The following PSG9 variants were observed in gnomAD, a reference collection of about 807,000 sequenced individuals.
PSG9 encodes the protein pregnancy-specific beta-1-glycoprotein 9.
PSG9 carries 49 observed loss-of-function variants against 41.9 expected under a neutral mutation model. The ratio of observed to expected loss-of-function variants is 1.17; its 90% CI spans 0.93 to 1.48. The LOEUF is 1.48. Among genes scored for constraint, PSG9 ranks in the 40% most tolerant of loss-of-function variants. PSG9 has a pLI of 0.00. For synonymous variants in PSG9, 263 were observed against 196.8 expected (o/e 1.34, Z -2.82); for missense variants, 641 against 520.3 (o/e 1.23, Z -2.26).
Position 43,261,979 on chromosome 19 carries a change from T to A in PSG9, c.590A>T (p.Lys197Ile). ...AAATAGATAGAGGGTCCTGTTGGTT[T>A]TGGACAGCTGCAACCTGTGAGTCAC... ...LPVTHRLQLS[K>I]TNRTLYLFGV... The change falls in exon 3 of 6, where the codon AAA becomes ATA. Residue 197 changes from lysine to isoleucine, a missense_variant. Transcript: ENST00000270077. The A allele has an allele frequency of 6.2e-7, 1 of 1,614,024 alleles. No individual in the cohort carries two copies. The highest frequency in any genetic ancestry group is 8.5e-7 in the Non-Finnish European group (1 of 1,179,940).
chr19:43,263,920 C>T (rs1968845374), intron 2 of PSG9, among the ~76,000 whole-genome samples: 1 of 152,124 alleles, frequency 6.6e-6, no homozygotes, highest in South Asian at 2.1e-4. Flanking sequence ...GAACTCCCTG[C>T]TTCTAATTTC....
chr19:43,253,808 G>C (rs1459637437), intron 5 of PSG9, among the ~76,000 whole-genome samples, 162 bp from the exon 6 acceptor site: 1 of 146,524 alleles, frequency 6.8e-6, no homozygotes, highest in Admixed American at 6.8e-5. Flanking sequence ...TTCCCCATCA[G>C]CCTTGCAAAT....
rs768600817 is a variant in PSG9 at position 43,268,095 on chromosome 19, G to A, written c.119C>T (p.Ala40Val). 2 of 1,613,374 alleles carry A rather than the reference G, an allele frequency of 1.2e-6. No homozygotes were observed. Among genetic ancestry groups the A allele is most frequent in the Non-Finnish European group, 1.7e-6 (2 of 1,179,594 alleles). ...CCCCTCAGAAACTTTGGGTGGCTGG[G>A]CTTCAATCGTGACTTCGGCAGTGGT... is the stretch of plus-strand genomic sequence containing the variant. ...PPTTAEVTIE[A>V]QPPKVSEGKD... Residue 40 changes from alanine to valine, a missense_variant, in exon 2 of 6, where the codon GCC becomes GTC. Physicochemically the swap from Ala to Val is moderately conservative, Grantham distance 64. Coordinates refer to ENST00000270077, the MANE Select transcript of PSG9 (RefSeq NM_002784.5).
At chr19:43,265,637 C>T (rs4803590) in intron 2 of PSG9, among the ~76,000 whole-genome samples, 77,421 of 151,944 alleles carry the variant, frequency 0.51, 21,844 homozygotes, top group East Asian at 0.96. Context: ...AATAAACATC[C>T]GTCCTCCTGT....
At chr19:43,257,693 C>A in intron 5 of PSG9, 1 of 1,109,354 alleles carries the variant, frequency 9.0e-7, no homozygotes, top group South Asian at 4.1e-5. Flanking sequence ...TTGAGTGAGG[C>A]AGGGCCAGTC....
intron 2 of PSG9, among the ~76,000 whole-genome samples, chr19:43,266,552 C>A (rs933437770): frequency 7.2e-5 from 11 of 152,014 alleles, no homozygotes; most frequent in South Asian, 2.1e-4. Context: ...CAGGATTTCA[C>A]GTTCAGTGAT....
In PSG9 at chr19:43,256,978, G is replaced by A. The variant is rs1415979378; in HGVS notation, c.1243+1224C>T. Among the ~76,000 whole-genome samples the A allele has an allele frequency of 1.4e-5, 2 of 146,894 alleles. 1 individual carries two copies. Among genetic ancestry groups the A allele is most frequent in the East Asian group, 4.7e-4 (2 of 4,290 alleles). ...AGTCCATTGAAAGATAAGTGGGTAG[G>A]CAAATGAGGTGTATCTATACATTGA... is the stretch of plus-strand genomic sequence containing the variant. On this transcript the variant is annotated intron_variant, in intron 5 of 5. Coordinates refer to ENST00000270077, the MANE Select transcript of PSG9 (RefSeq NM_002784.5).
intron 2 of PSG9, among the ~76,000 whole-genome samples, chr19:43,262,572 G>C (rs1449567644): frequency 6.6e-6 from 1 of 152,182 alleles, no homozygotes; most frequent in Non-Finnish European, 1.5e-5. Flanking sequence ...GGACATCCTA[G>C]AGATGGGTGA....
Position 43,259,637 on chromosome 19 carries a change from A to C in PSG9, c.710-502T>G, listed in dbSNP as rs184796267. ...AAGATACTTAGCAGCCTGGCCTGGG[A>C]CTGGATGTTTCAGCAGAAATAACAC... On this transcript the variant is annotated intron_variant, in intron 3 of 5. Coordinates refer to ENST00000270077, the MANE Select transcript of PSG9 (RefSeq NM_002784.5). 2.7e-4 allele frequency: 43 copies of C among 160,298 alleles called. 5 individuals are homozygous for C. The East Asian group carries it at 8.4e-3, about 31-fold the overall frequency. 9.9% of individuals were successfully genotyped at this position (160,298 alleles called of 1,614,324 possible).
intron 4 of PSG9, 144 bp downstream of exon 4, chr19:43,258,713 C>T (rs968716733): frequency 1.4e-6 from 2 of 1,412,096 alleles, no homozygotes; most frequent in African/African-American, 3.1e-5. Context: ...CCCAGGTTTT[C>T]CCAGGGCAGG....
At chr19:43,267,405 C>G (rs950585838) in intron 2 of PSG9, among the ~76,000 whole-genome samples, 3 of 152,084 alleles carry the variant, frequency 2.0e-5, no homozygotes, top group Non-Finnish European at 4.4e-5. Flanking sequence ...GTTGAGGCTT[C>G]TAGGGCTGAG....
chr19:43,261,263 A>G (rs1158519818), intron 3 of PSG9, among the ~76,000 whole-genome samples: 1 of 107,596 alleles, frequency 9.3e-6, no homozygotes. Context: ...TGAGTTATGG[A>G]TGAAACAGAC....
intron 2 of PSG9, among the ~76,000 whole-genome samples, chr19:43,267,438 G>A (rs946220331): frequency 6.6e-6 from 1 of 152,136 alleles, no homozygotes; most frequent in Non-Finnish European, 1.5e-5. Context: ...TATCTCAGGG[G>A]TCCCCTCAAG....
chr19:43,265,447 CTCAG>C lies in PSG9; in HGVS notation c.430+2333_430+2336del, dbSNP rs1252247757. 4.6e-5 allele frequency among the ~76,000 whole-genome samples: 7 copies of C among 152,228 alleles called. No individual in the cohort carries two copies. In the East Asian group the frequency reaches 1.4e-3, roughly 29 times the overall value. On this transcript the variant is annotated intron_variant, in intron 2 of 5. Coordinates refer to ENST00000270077, the MANE Select transcript of PSG9 (RefSeq NM_002784.5). ...CCTCATCCATACCTATGACTAATGG[CTCAG>C]TCAGTCATGTGGCCCCTACCTGGAG...
rs147736357 is a variant in PSG9, at chr19:43,261,889, C to G, written c.680G>C (p.Arg227Pro). 3 of 1,614,010 alleles carry G rather than the reference C, an allele frequency of 1.9e-6. No individual in the cohort carries two copies. Among genetic ancestry groups the G allele is most frequent in the South Asian group, 2.2e-5 (2 of 91,070 alleles). Reference protein sequence around the residue: ...CEIRNPVSASRSDPVTLNLLP... With the variant: ...CEIRNPVSASPSDPVTLNLLP... ...GAGATTCAGGGTGACTGGGTCACTGCGACTGGCACTCACTGGGTTCCGTAT... is the reference window on the plus strand; with the variant it reads ...GAGATTCAGGGTGACTGGGTCACTGGGACTGGCACTCACTGGGTTCCGTAT... The change falls in exon 3 of 6, where the codon CGC (arginine) becomes CCC (proline). Residue 227 changes from arginine to proline, a missense_variant. Coordinates refer to ENST00000270077, the MANE Select transcript of PSG9 (RefSeq NM_002784.5).
At position 43,259,078 on chromosome 19, in the gene PSG9, T is replaced by C; in HGVS notation, c.767A>G (p.Asp256Gly). Residue 256 changes from aspartate (D) to glycine (G), a missense_variant, in exon 4 of 6, where the codon GAT becomes GGT. Coordinates refer to ENST00000270077, the MANE Select transcript of PSG9 (RefSeq NM_002784.5). ...INNLNPRENKDVLAFTCEPKS... is the reference protein window; with the variant it reads ...INNLNPRENKGVLAFTCEPKS... ...AGGTTCACAGGTGAAGGCTAAGACA[T>C]CCTTATTCTCCCTGGGGTTTAAGTT... 2 of 1,590,598 alleles carry C rather than the reference T, an allele frequency of 1.3e-6. No individual in the cohort carries two copies. The highest frequency in any genetic ancestry group is 1.7e-6 in the Non-Finnish European group (2 of 1,174,456).
intron 2 of PSG9, among the ~76,000 whole-genome samples, chr19:43,266,858 C>T (rs993179103): frequency 6.6e-6 from 1 of 152,104 alleles, no homozygotes; most frequent in African/African-American, 2.4e-5. Context: ...GTGACTGCAC[C>T]TTCCTGTGCC....
Position 43,259,297 on chromosome 19 carries a change from G to A in PSG9, c.710-162C>T. The A allele has an allele frequency of 1.5e-6, 2 of 1,301,140 alleles. 1 individual carries two copies. Among genetic ancestry groups the A allele is most frequent in the East Asian group, 6.0e-5 (2 of 33,332 alleles). The allele number at this position is 1,301,140 out of a possible 1,614,324, so 80.6% of individuals were successfully genotyped here. A position where few individuals can be genotyped will look rare whatever the true frequency, so the allele number is the denominator to read the frequency against. On this transcript the variant is annotated intron_variant, in intron 3 of 5. Transcript: ENST00000270077. ...CAAGACAGATGCATGATGATCTAAG[G>A]GCTCAAAGACTGTGAGGCCGCCTGC... is the stretch of plus-strand genomic sequence containing the variant.
intron 3 of PSG9, among the ~76,000 whole-genome samples, chr19:43,261,519 T>C (rs1295872111): frequency 6.6e-6 from 1 of 152,098 alleles, no homozygotes; most frequent in East Asian, 1.9e-4. Flanking sequence ...AAAATCCTGG[T>C]CTGTGGAAGG....
Sources: gnomAD v4.1 joint callset for allele counts (sites outside exome capture counted in the v4.1 genomes callset) on GRCh38, gnomAD v4.1.1 for gene constraint, MANE v1.5 for transcripts, NCBI Gene and HGNC (gene_info 2026-07-23, HGNC 2026-07-21) for gene names.